Variants in WDR55 observed in about 807,000 individuals in gnomAD.
WDR55 encodes WD repeat domain 55, also known as WD repeat-containing protein 55.
A neutral mutation model predicts 34.0 loss-of-function variants in WDR55; 31 were observed. The observed-to-expected ratio is 0.91, with a 90% confidence interval of 0.69 to 1.23. The LOEUF is 1.23. Among genes scored for constraint, WDR55 ranks in the 50% most tolerant of loss-of-function variants. The pLI is 0.00. For synonymous variants in WDR55, 164 were observed against 185.9 expected (o/e 0.88, Z 0.96); for missense variants, 440 against 494.6 (o/e 0.89, Z 1.05).
chr5:140,669,812 C>T lies in WDR55; in HGVS notation c.*158C>T, dbSNP rs1312117127. On this transcript the variant is annotated 3_prime_UTR_variant, in exon 7 of 7. Transcript: ENST00000358337. ...GCTTGATCTTGGCTCACTGCAGCCT[C>T]AATGTCCCCAGGCTCAGATTGTCCT... The T allele has an allele frequency of 2.8e-6, 2 of 707,976 alleles. No homozygotes were observed. The highest frequency in any genetic ancestry group is 4.7e-6 in the Non-Finnish European group (2 of 428,528). The allele number at this position is 707,976 out of a possible 1,614,324, so 43.9% of individuals were successfully genotyped here. A position where few individuals can be genotyped will look rare whatever the true frequency, so the allele number is the denominator to read the frequency against.
At chr5:140,667,114 G>C (rs571903967) in intron 1 of WDR55, 2 of 985,434 alleles carry the variant, frequency 2.0e-6, no homozygotes, top group South Asian at 9.4e-5. Flanking sequence ...TTCAACAAAT[G>C]TAGGTTCCCT....
rs146185181 is a variant in WDR55 at position 140,664,991 on chromosome 5, C to T, written c.79C>T (p.Arg27Trp). 264 of 1,613,848 alleles carry T rather than the reference C, an allele frequency of 1.6e-4. 1 individual carries two copies. In the African/African-American group the frequency reaches 3.3e-3, roughly 20 times the overall value. ...EDPDSMEAPT[R>W]IRDTPEDIVL... ...CCCAGACTCCATGGAAGCCCCAACC[C>T]GGATCCGGGACACTCCGGAAGACAT... Residue 27 changes from arginine to tryptophan, a missense_variant, in exon 1 of 7, where the codon CGG becomes TGG. Transcript: ENST00000358337.
At chr5:140,668,141 T>G in intron 1 of WDR55, 93 bp from the exon 2 acceptor site, 1 of 1,395,570 alleles carries the variant, frequency 7.2e-7, no homozygotes, top group Non-Finnish European at 9.5e-7. Context: ...AACTCTTAGG[T>G]AGGTGGGAAG....
rs34589480 is a variant in WDR55, at chr5:140,669,591, G to T, written c.1089G>T (p.Arg363Ser). ...CCGATGACTTCTTCGCAGGACTGAGGGAAGAGGGAGAAGACTCCATGGCTC... is the reference window on the plus strand; with the variant it reads ...CCGATGACTTCTTCGCAGGACTGAGTGAAGAGGGAGAAGACTCCATGGCTC... ...WSTDDFFAGL[R>S]EEGEDSMAQE... The change falls in exon 7 of 7, where the codon AGG (arginine) becomes AGT (serine). Residue 363 changes from arginine (R) to serine (S), a missense_variant. By Grantham distance (110) the Arg-to-Ser change is moderately radical (BLOSUM62 -1). Coordinates refer to ENST00000358337, the MANE Select transcript of WDR55 (RefSeq NM_017706.5). 1 of 1,614,174 alleles carries T rather than the reference G, an allele frequency of 6.2e-7. No individual in the cohort carries two copies. Among genetic ancestry groups the T allele is most frequent in the Admixed American group, 1.7e-5 (1 of 60,014 alleles).
rs1249804748 is a variant in WDR55, at chr5:140,670,747, C to T, written c.*1093C>T. 6 of 179,554 alleles carry T rather than the reference C, an allele frequency of 3.3e-5. No individual in the cohort carries two copies. The highest frequency in any genetic ancestry group is 1.2e-4 in the African/African-American group (5 of 42,114). The allele number at this position is 179,554 out of a possible 1,614,324, so 11.1% of individuals were successfully genotyped here. ...TGCCCCGTAGCAGCTATTCACTCTA[C>T]CAGTGTAAACAAACTCTAAGCTAGG... On this transcript the variant is annotated 3_prime_UTR_variant, in exon 7 of 7. Coordinates refer to ENST00000358337, the MANE Select transcript of WDR55 (RefSeq NM_017706.5).
chr5:140,668,755 C>T lies in WDR55; in HGVS notation c.524C>T (p.Ala175Val), dbSNP rs1397665354. Residue 175 changes from alanine (A) to valine (V), a missense_variant, in exon 4 of 7, where the codon GCT becomes GTT. By Grantham distance (64) the Ala-to-Val change is moderately conservative. Transcript: ENST00000358337. ...CATGAAGAGTACATCGCAGACATGG[C>T]TCTGGATCCAGCCAAAAAGCTGCTG... is the stretch of plus-strand genomic sequence containing the variant. ...RQHEEYIADM[A>V]LDPAKKLLLT... 1.2e-6 allele frequency: 2 copies of T among 1,614,104 alleles called. No individual in the cohort carries two copies. The highest frequency in any genetic ancestry group is 1.7e-6 in the Non-Finnish European group (2 of 1,179,944).
At chr5:140,668,212 A>T (rs1470758341) in intron 1 of WDR55, 22 bp from the exon 2 acceptor site, 2 of 1,573,418 alleles carry the variant, frequency 1.3e-6, no homozygotes, top group Non-Finnish European at 1.7e-6. Flanking sequence ...GGAGTCATTT[A>T]CCCTCCTTGC....
At position 140,668,632 on chromosome 5, in the gene WDR55, T is replaced by A; in HGVS notation, c.401T>A (p.Leu134Gln). The A allele has an allele frequency of 6.2e-7, 1 of 1,613,912 alleles. No individual in the cohort carries two copies. The highest frequency in any genetic ancestry group is 8.5e-7 in the Non-Finnish European group (1 of 1,179,844). Residue 134 changes from leucine (L) to glutamine (Q), a missense_variant, in exon 4 of 7, where the codon CTG becomes CAG. Transcript: ENST00000358337. ...TCTAGTGCCCCCATCAATAGTCTTC[T>A]GCTGGTGGATGAGAATGTTCTGGCC... ...KAHGAPINSL[L>Q]LVDENVLATG...
At position 140,669,469 on chromosome 5, in the gene WDR55, G is replaced by A. The variant is rs1397780570; in HGVS notation, c.967G>A (p.Asp323Asn). 6.2e-7 allele frequency: 1 copy of A among 1,614,134 alleles called. No individual in the cohort carries two copies. Among genetic ancestry groups the A allele is most frequent in the African/African-American group, 1.3e-5 (1 of 75,040 alleles). Residue 323 changes from aspartate (D) to asparagine (N), a missense_variant, in exon 7 of 7, where the codon GAC becomes AAC. Physicochemically the swap from Asp to Asn is conservative, Grantham distance 23 (BLOSUM62 1). Coordinates refer to ENST00000358337, the MANE Select transcript of WDR55 (RefSeq NM_017706.5). ...CCATGACCAGCGCCTCAAGTTTTGG[G>A]ACATGGCCCAGCTGCGAGCTGTGGT... is the stretch of plus-strand genomic sequence containing the variant. ...SGHDQRLKFW[D>N]MAQLRAVVVD...
At chr5:140,665,926 G>C (rs1029521615) in intron 1 of WDR55, among the ~76,000 whole-genome samples, 1 of 151,780 alleles carries the variant, frequency 6.6e-6, no homozygotes. Context: ...ACTTGGATTC[G>C]GGCGGTGGAG....
chr5:140,669,177 TG>T lies in WDR55; in HGVS notation c.760del (p.Glu254AsnfsTer26). ...CAAGTGACCGCTTTGCCCTGAGAGC[TG>T]AATCTATCGACTGCATGGTTCCAGT... ...ATSDRFALRA[E>X]SIDCMVPVTE... is the part of the protein sequence containing the mutation. On this transcript the variant is annotated frameshift_variant, in exon 6 of 7. Transcript: ENST00000358337. LOFTEE classifies it high-confidence loss of function. The T allele has an allele frequency of 2.5e-6, 4 of 1,614,162 alleles. No individual in the cohort carries two copies. Among genetic ancestry groups the T allele is most frequent in the Non-Finnish European group, 3.4e-6 (4 of 1,180,034 alleles).
rs887499130 is a variant in WDR55, at chr5:140,669,833, G to A, written c.*179G>A. 1 of 649,850 alleles carries A rather than the reference G, an allele frequency of 1.5e-6. No individual in the cohort carries two copies. Among genetic ancestry groups the A allele is most frequent in the Admixed American group, 3.0e-5 (1 of 33,562 alleles). 40.3% of individuals were successfully genotyped at this position (649,850 alleles called of 1,614,324 possible). A position where few individuals can be genotyped will look rare whatever the true frequency, so the allele number is the denominator to read the frequency against. ...GCCTCAATGTCCCCAGGCTCAGATT[G>A]TCCTTCCACCTTAGCCTCTGGAGCA... On this transcript the variant is annotated 3_prime_UTR_variant, in exon 7 of 7. Transcript: ENST00000358337.
In WDR55 at chr5:140,669,734, AATT is replaced by A; in HGVS notation, c.*84_*86del. Reference sequence around the variant, plus strand: ...GGGCTGCATCCCCAGAGAGGATATGAATTATTTTTTGAAAAGACAGGGTTTTGC... The same window carrying A: ...GGGCTGCATCCCCAGAGAGGATATGAATTTTTTGAAAAGACAGGGTTTTGC... On this transcript the variant is annotated 3_prime_UTR_variant, in exon 7 of 7. Coordinates refer to ENST00000358337, the MANE Select transcript of WDR55 (RefSeq NM_017706.5). 1.4e-6 allele frequency: 2 copies of A among 1,392,892 alleles called. No homozygotes were observed. Among genetic ancestry groups the A allele is most frequent in the Non-Finnish European group, 1.9e-6 (2 of 1,033,108 alleles). The allele number at this position is 1,392,892 out of a possible 1,614,324, so 86.3% of individuals were successfully genotyped here. A position where few individuals can be genotyped will look rare whatever the true frequency, so the allele number is the denominator to read the frequency against.
At chr5:140,666,986 C>T in intron 1 of WDR55, 3 of 985,372 alleles carry the variant, frequency 3.0e-6, no homozygotes, top group Non-Finnish European at 3.6e-6. Flanking sequence ...AAACCTCAAC[C>T]CCTCATTAGC....
At position 140,668,354 on chromosome 5, in the gene WDR55, A is replaced by G. The variant is rs996061514; in HGVS notation, c.292+20A>G. On this transcript the variant is annotated intron_variant, in intron 2 of 6. Transcript: ENST00000358337. ...GGCAGAGTGAGTACTGGGGAAGACA[A>G]CCAGCAATGTGGTGGAAGGGAGCAG... 3.1e-6 allele frequency: 5 copies of G among 1,614,180 alleles called. No individual in the cohort carries two copies. The highest frequency in any genetic ancestry group is 4.2e-6 in the Non-Finnish European group (5 of 1,180,032).
rs922269408 is a variant in WDR55, at chr5:140,669,037, G to C, written c.661-42G>C. 5.0e-6 allele frequency: 8 copies of C among 1,614,046 alleles called. No homozygotes were observed. The African/African-American group carries it at 9.3e-5, about 19-fold the overall frequency. On this transcript the variant is annotated intron_variant, in intron 5 of 6. Coordinates refer to ENST00000358337, the MANE Select transcript of WDR55 (RefSeq NM_017706.5). The stretch of plus-strand genomic sequence containing the variant: ...TGGAGGGGTGTGTGCTGGGGGCTTA[G>C]TCTGAGGCAGCTTCCACATTGTTTT...
intron 1 of WDR55, 83 bp downstream of exon 1, chr5:140,665,186 G>T: frequency 3.0e-6 from 4 of 1,349,292 alleles, no homozygotes; most frequent in Non-Finnish European, 4.0e-6. Flanking sequence ...AGAGAAAGTT[G>T]CAGGGAGACA....
rs912525227 is a variant in WDR55 at position 140,666,769 on chromosome 5, C to T, written c.192-1465C>T. 4.5e-5 allele frequency: 44 copies of T among 985,242 alleles called. No individual in the cohort carries two copies. In the Admixed American group the frequency reaches 1.3e-3, roughly 29 times the overall value. 61.0% of individuals were successfully genotyped at this position (985,242 alleles called of 1,614,324 possible). ...GTGTACATGTACACAAAATGCTGAT[C>T]GTAGCTTACTAGTCCGTTATATGAC... On this transcript the variant is annotated intron_variant, in intron 1 of 6. Coordinates refer to ENST00000358337, the MANE Select transcript of WDR55 (RefSeq NM_017706.5).
Position 140,671,844 on chromosome 5 carries a change from G to C in WDR55, c.*2190G>C. The C allele has an allele frequency of 7.4e-7, 1 of 1,355,722 alleles. No homozygotes were observed. The highest frequency in any genetic ancestry group is 2.5e-5 in the East Asian group (1 of 39,868). 84.0% of individuals were successfully genotyped at this position (1,355,722 alleles called of 1,614,324 possible). A position where few individuals can be genotyped will look rare whatever the true frequency, so the allele number is the denominator to read the frequency against. On this transcript the variant is annotated 3_prime_UTR_variant, in exon 7 of 7. Coordinates refer to ENST00000358337, the MANE Select transcript of WDR55 (RefSeq NM_017706.5). Reference sequence around the variant, plus strand: ...TTGGAGCTACACAGTCCTGTTATTTGTAGCCTTCCCATTTCCTGGTAGTGT... The same window carrying C: ...TTGGAGCTACACAGTCCTGTTATTTCTAGCCTTCCCATTTCCTGGTAGTGT...
Sources: allele counts gnomAD v4.1 joint callset (sites outside exome capture counted in the v4.1 genomes callset), GRCh38; gene constraint gnomAD v4.1.1; transcripts MANE v1.5; gene names NCBI Gene and HGNC (gene_info 2026-07-23, HGNC 2026-07-21).